Variants in COPS2 observed in about 807,000 individuals in gnomAD.
COPS2 encodes COP9 signalosome subunit 2.
COPS2 carries 10 observed loss-of-function variants against 66.1 expected under a neutral mutation model. The observed-to-expected ratio is 0.15, with a 90% CI of 0.09 to 0.26. The LOEUF is 0.26. Ranked by LOEUF, COPS2 falls within the 10% of genes least tolerant of loss-of-function variation. COPS2 has a pLI of 1.00. For synonymous variants in COPS2, 179 were observed against 171.3 expected (o/e 1.04, Z -0.35); for missense variants, 215 against 513.3 (o/e 0.42, Z 5.62).
intron 3 of COPS2, among the ~76,000 whole-genome samples, chr15:49,143,273 T>C (rs2084300642): frequency 6.6e-6 from 1 of 152,178 alleles, no homozygotes; most frequent in Non-Finnish European, 1.5e-5. Flanking sequence ...CTGTAGGTCA[T>C]GGTAAGAATT....
At chr15:49,151,962 G>T (rs2084364970) in intron 1 of COPS2, among the ~76,000 whole-genome samples, 3 of 151,806 alleles carry the variant, frequency 2.0e-5, no homozygotes, top group African/African-American at 7.3e-5. Context: ...GATTGGGGAA[G>T]AACAAAGTGA....
intron 1 of COPS2, among the ~76,000 whole-genome samples, chr15:49,150,263 T>C (rs201815610): frequency 7.9e-6 from 1 of 127,234 alleles, no homozygotes; most frequent in Non-Finnish European, 1.6e-5. Flanking sequence ...AAAAAAAAAA[T>C]AAATAAAAAT....
At chr15:49,150,057 G>C (rs2084347652) in intron 1 of COPS2, among the ~76,000 whole-genome samples, 1 of 152,042 alleles carries the variant, frequency 6.6e-6, no homozygotes, top group Non-Finnish European at 1.5e-5. Flanking sequence ...CACTTTGGGA[G>C]GCGGAGGCAG....
At chr15:49,137,547 A>G (rs146683235) in intron 4 of COPS2, 110 bp from the exon 5 acceptor site, 5 of 772,816 alleles carry the variant, frequency 6.5e-6, no homozygotes. Flanking sequence ...TACACATAAG[A>G]TACACTATCT....
At chr15:49,153,411 T>C (rs764150718) in intron 1 of COPS2, among the ~76,000 whole-genome samples, 4 of 151,844 alleles carry the variant, frequency 2.6e-5, no homozygotes, top group African/African-American at 4.8e-5. Context: ...AATAATAGAA[T>C]GCTGGCAAGA....
intron 1 of COPS2, among the ~76,000 whole-genome samples, chr15:49,148,576 G>C (rs541159883): frequency 6.6e-6 from 1 of 152,228 alleles, no homozygotes; most frequent in South Asian, 2.1e-4. Context: ...TTGAACAGAG[G>C]AACAGGACAA....
intron 1 of COPS2, among the ~76,000 whole-genome samples, chr15:49,152,065 T>G (rs2084365796): frequency 6.6e-6 from 1 of 151,816 alleles, no homozygotes; most frequent in Admixed American, 6.6e-5. Flanking sequence ...GTTAACACTT[T>G]AACTAAAACG....
At chr15:49,137,011 T>G in intron 6 of COPS2, 139 bp downstream of exon 6, 1 of 636,916 alleles carries the variant, frequency 1.6e-6, no homozygotes, top group Non-Finnish European at 2.6e-6. Flanking sequence ...AAAGATAATT[T>G]TATAACTTAT....
chr15:49,140,064 G>A (rs932755631), intron 3 of COPS2, among the ~76,000 whole-genome samples: 2 of 151,934 alleles, frequency 1.3e-5, no homozygotes, highest in South Asian at 2.1e-4. Context: ...TTGACTCACC[G>A]CAACCTCCGC....
chr15:49,145,124 C>T, intron 1 of COPS2, 46 bp from the exon 2 acceptor site: 2 of 1,031,152 alleles, frequency 1.9e-6, no homozygotes, highest in Non-Finnish European at 2.8e-6. Context: ...AGAAAAGAAA[C>T]CCACACGTAG....
At chr15:49,151,129 G>A (rs932113904) in intron 1 of COPS2, among the ~76,000 whole-genome samples, 1 of 152,074 alleles carries the variant, frequency 6.6e-6, no homozygotes, top group South Asian at 2.1e-4. Flanking sequence ...GGCCAGGCGT[G>A]GTGGCTCACG....
chr15:49,129,763 CCTT>C (rs2084195542), intron 10 of COPS2, among the ~76,000 whole-genome samples: 1 of 152,058 alleles, frequency 6.6e-6, no homozygotes, highest in Non-Finnish European at 1.5e-5. Context: ...GTTCCCACCT[CCTT>C]GATTTTGTTG....
At position 49,127,885 on chromosome 15, in the gene COPS2, A is replaced by G; in HGVS notation, c.*65T>C. 2 of 1,498,764 alleles carry G rather than the reference A, an allele frequency of 1.3e-6. No individual in the cohort carries two copies. Among genetic ancestry groups the G allele is most frequent in the South Asian group, 1.3e-5 (1 of 74,620 alleles). The allele number at this position is 1,498,764 out of a possible 1,614,324, so 92.8% of individuals were successfully genotyped here. On this transcript the variant is annotated 3_prime_UTR_variant, in exon 13 of 13. Coordinates refer to ENST00000388901, the MANE Select transcript of COPS2 (RefSeq NM_004236.4). ...AACCGACAGTAGTTTTGCCATTCCC[A>G]GTTCTTTTAAGGATTACATCTCTGC...
intron 3 of COPS2, among the ~76,000 whole-genome samples, chr15:49,143,275 G>A (rs186145198): frequency 6.6e-6 from 1 of 152,292 alleles, no homozygotes; most frequent in East Asian, 1.9e-4. Context: ...GTAGGTCATG[G>A]TAAGAATTTT....
chr15:49,142,047 T>G (rs77330379), intron 3 of COPS2, among the ~76,000 whole-genome samples: 10,360 of 152,202 alleles, frequency 0.068, 746 homozygotes, highest in African/African-American at 0.17. Flanking sequence ...CTTGAAACAC[T>G]TGGTGCTTCT....
At chr15:49,128,165 T>A in intron 12 of COPS2, 71 bp from the exon 13 acceptor site, 1 of 1,460,306 alleles carries the variant, frequency 6.8e-7, no homozygotes, top group East Asian at 2.3e-5. Context: ...TAATGTTTCA[T>A]AAAATACAGT....
chr15:49,141,349 TAGTC>T (rs1458059906), intron 3 of COPS2, among the ~76,000 whole-genome samples: 2 of 151,910 alleles, frequency 1.3e-5, no homozygotes, highest in African/African-American at 2.4e-5. Context: ...ACACAAAAAT[TAGTC>T]AGGTGTGGTG....
At chr15:49,133,650 T>C in intron 9 of COPS2, 109 bp downstream of exon 9, 1 of 669,084 alleles carries the variant, frequency 1.5e-6, no homozygotes, top group Non-Finnish European at 2.5e-6. Context: ...TCTAAGAAAA[T>C]ACAAAAGGGC....
intron 12 of COPS2, 104 bp downstream of exon 12, chr15:49,128,598 G>C: frequency 1.3e-6 from 1 of 741,844 alleles, no homozygotes; most frequent in Non-Finnish European, 2.2e-6. Context: ...CATACCCAAG[G>C]GTGCTTTTTA....
Sources: allele counts gnomAD v4.1 joint callset (sites outside exome capture counted in the v4.1 genomes callset), GRCh38; gene constraint gnomAD v4.1.1; transcripts MANE v1.5; gene names NCBI Gene and HGNC (gene_info 2026-07-23, HGNC 2026-07-21).